The following UGT1A10 variants were observed in gnomAD, a reference collection of about 807,000 sequenced individuals.
The protein encoded by UGT1A10 is UDP glucuronosyltransferase family 1 member A10.
A neutral mutation model predicts 45.8 loss-of-function variants in UGT1A10; 49 were observed. The observed-to-expected ratio is 1.07, with a 90% CI of 0.85 to 1.36. UGT1A10 has a LOEUF of 1.36. Among genes scored for constraint, UGT1A10 ranks in the 40% most tolerant of loss-of-function variants. UGT1A10 has a pLI of 0.00. For synonymous variants in UGT1A10, 284 were observed against 249.7 expected (o/e 1.14, Z -1.29); for missense variants, 745 against 668.6 (o/e 1.11, Z -1.26).
chr2:233,646,023 T>G (rs916763302), intron 1 of UGT1A10, among the ~76,000 whole-genome samples: 3 of 152,226 alleles, frequency 2.0e-5, no homozygotes, highest in Non-Finnish European at 4.4e-5. Flanking sequence ...CCATACAGCC[T>G]CTGAAATCTA....
At chr2:233,731,558 G>C (rs955136214) in intron 1 of UGT1A10, among the ~76,000 whole-genome samples, 5 of 152,170 alleles carry the variant, frequency 3.3e-5, no homozygotes, top group Non-Finnish European at 5.9e-5. Context: ...CCATGTGATA[G>C]TTTGCTGAGA....
At chr2:233,701,422 T>A (rs141980879) in intron 1 of UGT1A10, among the ~76,000 whole-genome samples, 7,472 of 152,134 alleles carry the variant, frequency 0.049, 251 homozygotes, top group Non-Finnish European at 0.079. Flanking sequence ...ACTGTCAACA[T>A]TAGACAGATC....
At chr2:233,751,611 G>C (rs1214226831) in intron 1 of UGT1A10, among the ~76,000 whole-genome samples, 1 of 152,166 alleles carries the variant, frequency 6.6e-6, no homozygotes, top group Admixed American at 6.5e-5. Flanking sequence ...CTGGTGGGAG[G>C]TGATTGGATC....
intron 1 of UGT1A10, among the ~76,000 whole-genome samples, chr2:233,720,925 G>A (rs1022099948): frequency 2.7e-5 from 4 of 149,372 alleles, no homozygotes; most frequent in African/African-American, 9.9e-5. Context: ...TAGCCAGGCT[G>A]GTCTTGAACT....
At chr2:233,728,864 C>G (rs2077757785) in intron 1 of UGT1A10, among the ~76,000 whole-genome samples, 1 of 152,164 alleles carries the variant, frequency 6.6e-6, no homozygotes, top group African/African-American at 2.4e-5. Flanking sequence ...GAAACAAGAG[C>G]TTGAACTTGG....
intron 1 of UGT1A10, among the ~76,000 whole-genome samples, chr2:233,718,481 T>C (rs1310649637): frequency 1.3e-5 from 2 of 152,114 alleles, no homozygotes; most frequent in Non-Finnish European, 2.9e-5. Context: ...CTGATAAATA[T>C]GGTTAACAGA....
chr2:233,661,635 C>CTTTCTTTCTTTCT (rs1553602642), intron 1 of UGT1A10, among the ~76,000 whole-genome samples: 34 of 82,722 alleles, frequency 4.1e-4, no homozygotes, highest in South Asian at 1.3e-3. Context: ...TTCTTTCTTT[C>CTTTCTTTCTTTCT]TTTCTTTCTT....
chr2:233,656,452 C>T (rs2073855272), intron 1 of UGT1A10, among the ~76,000 whole-genome samples: 1 of 152,140 alleles, frequency 6.6e-6, no homozygotes, highest in African/African-American at 2.4e-5. Context: ...GGTGGAGGTG[C>T]ACTTGTTTAA....
At chr2:233,744,020 A>G (rs772396813) in intron 1 of UGT1A10, 334 of 991,812 alleles carry the variant, frequency 3.4e-4, no homozygotes, top group East Asian at 3.5e-4. Context: ...CCGCCTGGAG[A>G]GACGCCCCTT....
chr2:233,699,949 G>C (rs932857494), intron 1 of UGT1A10, among the ~76,000 whole-genome samples: 2 of 152,234 alleles, frequency 1.3e-5, no homozygotes, highest in East Asian at 1.9e-4. Context: ...GTTGTACAAT[G>C]TGTGAAAAAT....
chr2:233,761,009 A>T, intron 1 of UGT1A10: 2 of 1,614,002 alleles, frequency 1.2e-6, no homozygotes, highest in Non-Finnish European at 1.7e-6. Flanking sequence ...CTTCAGAGAG[A>T]GGTGACTGTC....
chr2:233,769,746 T>G lies in UGT1A10; in HGVS notation c.1295+1307T>G. On this transcript the variant is annotated intron_variant, in intron 4 of 4. Coordinates refer to ENST00000344644, the MANE Select transcript of UGT1A10 (RefSeq NM_019075.4). The surrounding 1 kb of genome is among the most constrained non-coding windows in gnomAD (Gnocchi z 4.4). ...GGCACACGCCTGTAGTCCCAGCCAC[T>G]CTGGAGGCTAAGGCGGGAGGATTGC... 6.9e-7 allele frequency: 1 copy of G among 1,441,832 alleles called. No homozygotes were observed. The highest frequency in any genetic ancestry group is 9.1e-7 in the Non-Finnish European group (1 of 1,095,648). The allele number at this position is 1,441,832 out of a possible 1,614,324, so 89.3% of individuals were successfully genotyped here.
intron 1 of UGT1A10, among the ~76,000 whole-genome samples, chr2:233,740,284 G>A (rs932768125): frequency 2.0e-5 from 3 of 151,852 alleles, no homozygotes; most frequent in African/African-American, 7.3e-5. Flanking sequence ...ATACTGAAAG[G>A]GTTTAAAGGA....
intron 1 of UGT1A10, among the ~76,000 whole-genome samples, chr2:233,757,218 C>G (rs1037156819): frequency 2.0e-5 from 3 of 149,068 alleles, no homozygotes; most frequent in African/African-American, 7.5e-5. Context: ...AAGCTGCTGA[C>G]CAAGGTTCCA....
At chr2:233,667,860 A>G (rs571829657) in intron 1 of UGT1A10, among the ~76,000 whole-genome samples, 48 of 152,354 alleles carry the variant, frequency 3.2e-4, no homozygotes, top group African/African-American at 1.1e-3. Context: ...TAGAATGGCA[A>G]TCATTAAAAA....
chr2:233,661,139 T>A (rs2073955068), intron 1 of UGT1A10, among the ~76,000 whole-genome samples: 1 of 151,540 alleles, frequency 6.6e-6, no homozygotes, highest in Admixed American at 6.6e-5. Context: ...ACAAATTATC[T>A]ATGGATGTAA....
intron 1 of UGT1A10, chr2:233,721,920 A>G: frequency 2.5e-6 from 1 of 407,420 alleles, no homozygotes; most frequent in South Asian, 1.9e-5. Context: ...TGCTTCCATA[A>G]AGTGACATCC....
intron 1 of UGT1A10, among the ~76,000 whole-genome samples, chr2:233,707,217 C>T (rs1226493967): frequency 6.6e-6 from 1 of 152,140 alleles, no homozygotes; most frequent in African/African-American, 2.4e-5. Flanking sequence ...CATCTTTTCT[C>T]TGACTTTTGT....
chr2:233,691,825 G>A (rs1224480587), intron 1 of UGT1A10: 1 of 175,252 alleles, frequency 5.7e-6, no homozygotes, highest in African/African-American at 2.4e-5. Context: ...CTAAAGGCAA[G>A]TAACAGTTTG....
Sources: gnomAD v4.1 joint callset for allele counts (sites outside exome capture counted in the v4.1 genomes callset) on GRCh38, gnomAD v4.1.1 for gene constraint, Gnocchi (gnomAD v3.1) non-coding constraint, MANE v1.5 for transcripts, NCBI Gene and HGNC (gene_info 2026-07-23, HGNC 2026-07-21) for gene names.